Variants in FREM1 observed in about 807,000 individuals in gnomAD.
FREM1 encodes the protein FRAS1-related extracellular matrix protein 1.
Under a neutral mutation model 210.1 loss-of-function variants are expected in FREM1, and 220 were observed. That is an observed-to-expected ratio of 1.05 (90% CI 0.94 to 1.17). FREM1 has a LOEUF of 1.17. FREM1 is among the 50% of genes most tolerant of loss of function. FREM1 has a pLI of 0.00. For missense variants in FREM1, 3,454 were observed against 2,675.5 expected (o/e 1.29, Z -6.42); for synonymous variants, 1,189 against 980.2 (o/e 1.21, Z -3.98).
At chr9:14,876,036 G>C (rs1480957049) in intron 1 of FREM1, among the ~76,000 whole-genome samples, 5 of 151,206 alleles carry the variant, frequency 3.3e-5, no homozygotes, top group Non-Finnish European at 7.4e-5. Context: ...TCCTCTGGAA[G>C]TTTTGTCTCA....
chr9:14,748,255 A>G (rs1842800151), intron 31 of FREM1, 146 bp downstream of exon 31: 1 of 582,770 alleles, frequency 1.7e-6, no homozygotes, highest in African/African-American at 1.9e-5. Flanking sequence ...TACAGAAGGC[A>G]CTGCATAACT....
intron 35 of FREM1, among the ~76,000 whole-genome samples, chr9:14,744,848 T>C (rs980224033): frequency 6.6e-6 from 1 of 152,224 alleles, no homozygotes; most frequent in Non-Finnish European, 1.5e-5. Context: ...TGTACCATTT[T>C]ACACTTCTAC....
At chr9:14,884,826 T>C (rs1326488591) in intron 1 of FREM1, among the ~76,000 whole-genome samples, 1 of 151,978 alleles carries the variant, frequency 6.6e-6, no homozygotes, top group Non-Finnish European at 1.5e-5. Flanking sequence ...CTCTCTGGAA[T>C]TTTGCAATGG....
chr9:14,802,273 A>G (rs1266062384), intron 19 of FREM1, among the ~76,000 whole-genome samples: 2 of 152,226 alleles, frequency 1.3e-5, no homozygotes, highest in Non-Finnish European at 2.9e-5. Flanking sequence ...ATCCTCGTGG[A>G]TCTCCTTGCT....
intron 1 of FREM1, among the ~76,000 whole-genome samples, chr9:14,888,467 T>G (rs930626953): frequency 2.1e-4 from 32 of 152,210 alleles, no homozygotes; most frequent in African/African-American, 7.7e-4. Context: ...CAATAGATAC[T>G]ATTCCAGAAG....
Position 14,737,261 on chromosome 9 carries a change from C to A in FREM1, c.*135G>T. ...TCTTTCTGGCACTATTAAAAATGTC[C>A]CATTTTCACTAGACAGAATCACAAA... On this transcript the variant is annotated 3_prime_UTR_variant, in exon 37 of 37. Transcript: ENST00000380880. The A allele has an allele frequency of 3.6e-6, 2 of 561,154 alleles. No homozygotes were observed. Among genetic ancestry groups the A allele is most frequent in the South Asian group, 3.3e-5 (1 of 29,972 alleles). 34.8% of individuals were successfully genotyped at this position (561,154 alleles called of 1,614,324 possible). A position where few individuals can be genotyped will look rare whatever the true frequency, so the allele number is the denominator to read the frequency against.
chr9:14,746,595 C>T, intron 34 of FREM1, 127 bp from the exon 35 acceptor site: 1 of 707,618 alleles, frequency 1.4e-6, no homozygotes, highest in Non-Finnish European at 2.4e-6. Flanking sequence ...GGAGTCAGCC[C>T]TAATCCCAAT....
chr9:14,786,735 A>G (rs2132915883), intron 23 of FREM1, among the ~76,000 whole-genome samples: 1 of 152,362 alleles, frequency 6.6e-6, no homozygotes. Flanking sequence ...CTTTTCATAT[A>G]CTATGCTTTT....
intron 16 of FREM1, among the ~76,000 whole-genome samples, chr9:14,810,383 T>A (rs928807026): frequency 2.0e-5 from 3 of 152,152 alleles, no homozygotes; most frequent in Admixed American, 2.0e-4. Context: ...GTAGTGAAAT[T>A]CTTTACCTTG....
At chr9:14,848,560 C>T in intron 7 of FREM1, 105 bp downstream of exon 7, 2 of 529,318 alleles carry the variant, frequency 3.8e-6, no homozygotes, top group Non-Finnish European at 6.7e-6. Context: ...GTTTCAGTTG[C>T]CACATGTATG....
Position 14,848,765 on chromosome 9 carries a change from C to T in FREM1, c.1161G>A (p.Leu387=). The change falls in exon 7 of 37, where the codon TTG becomes TTA. Residue 387 remains leucine (L), a synonymous_variant. Transcript: ENST00000380880. The stretch of plus-strand genomic sequence containing the variant: ...TTTCAAAGAAGAAGTCGTATACCTC[C>T]AATTCTACCTGTAAACAAACAGAGG... ...HSERRHDEVE[L]EVYDFFFERS... is the part of the protein sequence containing the mutation. The T allele has an allele frequency of 6.2e-7, 1 of 1,601,708 alleles. No homozygotes were observed. Among genetic ancestry groups the T allele is most frequent in the Non-Finnish European group, 8.6e-7 (1 of 1,168,960 alleles).
chr9:14,806,171 A>C (rs940332327), intron 18 of FREM1, among the ~76,000 whole-genome samples: 1 of 152,200 alleles, frequency 6.6e-6, no homozygotes, highest in Admixed American at 6.5e-5. Flanking sequence ...TCAGAATAAA[A>C]ATTTAAATGA....
Position 14,902,030 on chromosome 9 carries a change from G to C in FREM1, c.-268+7884C>G, listed in dbSNP as rs191984502. Among the ~76,000 whole-genome samples the C allele has an allele frequency of 2.1e-3, 312 of 148,688 alleles. 3 individuals carry two copies. The highest frequency in any genetic ancestry group is 9.9e-4 in the East Asian group (5 of 5,044). On this transcript the variant is annotated intron_variant, in intron 1 of 36. Coordinates refer to ENST00000380880, the MANE Select transcript of FREM1 (RefSeq NM_001379081.2). Reference sequence around the variant, plus strand: ...ATGCCTGGTTTTTTTTTTTTTTTAAGAGATCAGATCTCACTATGTTTCTCA... The same window carrying C: ...ATGCCTGGTTTTTTTTTTTTTTTAACAGATCAGATCTCACTATGTTTCTCA...
chr9:14,898,458 G>A (rs555585614), intron 1 of FREM1, among the ~76,000 whole-genome samples: 14 of 152,266 alleles, frequency 9.2e-5, no homozygotes, highest in African/African-American at 2.9e-4. Flanking sequence ...CCCATAGAAT[G>A]CAGCCGGGTG....
intron 8 of FREM1, among the ~76,000 whole-genome samples, chr9:14,845,480 T>C (rs372027742): frequency 3.9e-5 from 6 of 152,086 alleles, no homozygotes; most frequent in African/African-American, 1.4e-4. Context: ...AATTTTTGTA[T>C]TTTCAGTAGA....
intron 2 of FREM1, among the ~76,000 whole-genome samples, chr9:14,864,341 T>C (rs1415369029): frequency 1.3e-5 from 2 of 152,236 alleles, no homozygotes; most frequent in East Asian, 1.9e-4. Flanking sequence ...GTATTCTTTC[T>C]GTATATCTGT....
intron 1 of FREM1, among the ~76,000 whole-genome samples, chr9:14,900,218 C>A (rs1358853249): frequency 6.6e-6 from 1 of 152,178 alleles, no homozygotes; most frequent in Non-Finnish European, 1.5e-5. Flanking sequence ...TTACCATCAC[C>A]CAGTCACCAC....
chr9:14,839,366 G>A (rs1451456701), intron 10 of FREM1, among the ~76,000 whole-genome samples: 2 of 152,144 alleles, frequency 1.3e-5, no homozygotes, highest in African/African-American at 2.4e-5. Context: ...AGTTTAAAAC[G>A]CTGATGATAC....
intron 19 of FREM1, among the ~76,000 whole-genome samples, chr9:14,802,974 C>T (rs1817574111): frequency 6.6e-6 from 1 of 151,852 alleles, no homozygotes; most frequent in South Asian, 2.1e-4. Context: ...AAACTTCCTT[C>T]CTTCCTTCCT....
Sources: gnomAD v4.1 joint callset for allele counts (sites outside exome capture counted in the v4.1 genomes callset) on GRCh38, gnomAD v4.1.1 for gene constraint, MANE v1.5 for transcripts, NCBI Gene and HGNC (gene_info 2026-07-23, HGNC 2026-07-21) for gene names.